KCNIP1: variants seen among roughly 807,000 people sequenced by gnomAD.
KCNIP1 encodes the protein potassium voltage-gated channel interacting protein 1.
In KCNIP1, 18 loss-of-function variants were observed where a neutral mutation model predicts 33.0. The ratio of observed to expected loss-of-function variants is 0.55; its 90% CI spans 0.38 to 0.81. The LOEUF (loss-of-function observed/expected upper bound fraction) is 0.81. KCNIP1 is among the 30% of genes least tolerant of loss of function. The pLI, the probability that KCNIP1 is intolerant of heterozygous loss-of-function variation, is 0.00. For synonymous variants in KCNIP1, 93 were observed against 98.3 expected, an observed-to-expected ratio of 0.95 and a Z score of 0.32; for missense variants, 238 against 271.6, an observed-to-expected ratio of 0.88 and a Z score of 0.87.
At chr5:170,588,996 C>CT (rs67130531) in intron 1 of KCNIP1, among the ~76,000 whole-genome samples, 38,928 of 117,394 alleles carry the variant, frequency 0.33, 7,602 homozygotes, top group Non-Finnish European at 0.38. Context: ...ATACTTACTT[C>CT]TTTTTTTTTT....
intron 1 of KCNIP1, among the ~76,000 whole-genome samples, chr5:170,511,208 CA>C (rs575682183): frequency 3.9e-4 from 59 of 151,944 alleles, no homozygotes; most frequent in Non-Finnish European, 7.1e-4. Context: ...GACTCCGTCT[CA>C]AAAAAAATAA....
intron 1 of KCNIP1, among the ~76,000 whole-genome samples, chr5:170,656,316 C>A (rs1193018020): frequency 6.6e-6 from 1 of 152,206 alleles, no homozygotes; most frequent in Non-Finnish European, 1.5e-5. Context: ...TTGTGACAAT[C>A]CCAGGCCTGC....
chr5:170,486,976 C>G (rs183198746), intron 1 of KCNIP1, among the ~76,000 whole-genome samples: 1 of 152,162 alleles, frequency 6.6e-6, no homozygotes, highest in East Asian at 1.9e-4. Context: ...GAAACAGAAC[C>G]AACAGGATGT....
At chr5:170,479,128 T>G (rs1756920735) in intron 1 of KCNIP1, among the ~76,000 whole-genome samples, 1 of 152,226 alleles carries the variant, frequency 6.6e-6, no homozygotes, top group African/African-American at 2.4e-5. Context: ...ATTTCTAAGA[T>G]GTCACTAGCT....
intron 1 of KCNIP1, among the ~76,000 whole-genome samples, chr5:170,475,439 A>T (rs1756835165): frequency 6.6e-6 from 1 of 152,154 alleles, no homozygotes; most frequent in Admixed American, 6.5e-5. Context: ...TGCTGGGAGG[A>T]ACCTCCCTGA....
chr5:170,567,161 C>A lies in KCNIP1; in HGVS notation c.61+62528C>A, dbSNP rs941181211. 2.0e-5 allele frequency among the ~76,000 whole-genome samples: 3 copies of A among 152,168 alleles called. 1 individual carries two copies. The East Asian group carries it at 5.8e-4, about 29-fold the overall frequency. Reference sequence around the variant, plus strand: ...TGGTTTTCCCCCTAAGAATGTTAGGCAATATTTGGTGACATGTTTAATGAG... The same window carrying A: ...TGGTTTTCCCCCTAAGAATGTTAGGAAATATTTGGTGACATGTTTAATGAG... On this transcript the variant is annotated intron_variant, in intron 1 of 7. Coordinates refer to ENST00000328939, the MANE Select transcript of KCNIP1 (RefSeq NM_014592.4).
intron 1 of KCNIP1, among the ~76,000 whole-genome samples, chr5:170,433,428 C>T (rs1368612694): frequency 1.3e-5 from 2 of 152,184 alleles, no homozygotes; most frequent in Non-Finnish European, 2.9e-5. Flanking sequence ...CTCAGATGAT[C>T]CGCCCGCCTC....
chr5:170,607,932 T>C (rs1213558123), intron 1 of KCNIP1, among the ~76,000 whole-genome samples: 1 of 152,218 alleles, frequency 6.6e-6, no homozygotes, highest in African/African-American at 2.4e-5. Flanking sequence ...TCTTGGAGAA[T>C]GAATTTGGGG....
chr5:170,524,166 T>TTG (rs1755483941), intron 1 of KCNIP1, among the ~76,000 whole-genome samples: 1 of 152,190 alleles, frequency 6.6e-6, no homozygotes, highest in South Asian at 2.1e-4. Flanking sequence ...ATTCCCAAGG[T>TTG]TGGAGTCCTT....
At chr5:170,487,770 G>A (rs1757129441) in intron 1 of KCNIP1, among the ~76,000 whole-genome samples, 1 of 151,948 alleles carries the variant, frequency 6.6e-6, no homozygotes, top group Admixed American at 6.6e-5. Context: ...CACCTACCCT[G>A]GCCTCCCAAA....
At position 170,522,667 on chromosome 5, in the gene KCNIP1, C is replaced by T. The variant is rs79716724; in HGVS notation, c.61+18034C>T. Among the ~76,000 whole-genome samples the T allele has an allele frequency of 6.8e-3, 1,043 of 152,312 alleles. 14 individuals are homozygous for T. The highest frequency in any genetic ancestry group is 0.02 in the African/African-American group (844 of 41,580). ...GACACAGCCAGCAGCCTCCCCAGGG[C>T]ACCATTCCTGTCTCAGCATGAGGCT... On this transcript the variant is annotated intron_variant, in intron 1 of 7. Transcript: ENST00000328939.
Position 170,721,892 on chromosome 5 carries a change from G to A in KCNIP1, c.316G>A (p.Val106Met), listed in dbSNP as rs1312940610. 3.1e-6 allele frequency: 5 copies of A among 1,613,994 alleles called. No homozygotes were observed. In the African/African-American group the frequency reaches 4.0e-5, roughly 13 times the overall value. ...NAFDTTQTGS[V>M]KFEDFVTALS... ...CTTCGACACCACTCAGACAGGCTCC[G>A]TGAAGTTCGAGGTACGCTCATCTGG... is the stretch of plus-strand genomic sequence containing the variant. Residue 106 changes from valine to methionine, a missense_variant, in exon 4 of 8, where the codon GTG (valine) becomes ATG (methionine). Transcript: ENST00000328939.
chr5:170,628,512 A>G (rs1444720014), intron 1 of KCNIP1, among the ~76,000 whole-genome samples: 4 of 152,168 alleles, frequency 2.6e-5, no homozygotes, highest in Non-Finnish European at 5.9e-5. Flanking sequence ...GTTTCTGGCC[A>G]TAATCATATT....
At chr5:170,565,103 T>C (rs545704672) in intron 1 of KCNIP1, among the ~76,000 whole-genome samples, 82 of 152,198 alleles carry the variant, frequency 5.4e-4, no homozygotes, top group South Asian at 2.3e-3. Flanking sequence ...CCCCTTCTCT[T>C]TCCCCACCAC....
intron 1 of KCNIP1, among the ~76,000 whole-genome samples, chr5:170,462,803 A>G (rs2113111421): frequency 6.6e-6 from 1 of 152,336 alleles, no homozygotes; most frequent in East Asian, 1.9e-4. Flanking sequence ...AAAGGAATGA[A>G]TTAGTGGCAT....
intron 5 of KCNIP1, among the ~76,000 whole-genome samples, chr5:170,730,411 G>A (rs368025366): frequency 1.3e-5 from 2 of 152,062 alleles, no homozygotes; most frequent in Admixed American, 6.6e-5. Context: ...AAGAAAGTGT[G>A]GATAAGTAGC....
At chr5:170,429,572 G>A (rs772633261) in intron 1 of KCNIP1, among the ~76,000 whole-genome samples, 6 of 152,072 alleles carry the variant, frequency 3.9e-5, no homozygotes, top group Admixed American at 1.3e-4. Flanking sequence ...CCACAATGAC[G>A]TATATTGTAC....
chr5:170,370,896 A>G lies in KCNIP1; in HGVS notation c.88+16932A>G, dbSNP rs1211849534. Among the ~76,000 whole-genome samples, 3 of 152,354 alleles carry G rather than the reference A, an allele frequency of 2.0e-5. No individual in the cohort carries two copies. The East Asian group carries it at 5.8e-4, about 29-fold the overall frequency. ...TGACCAGTGGAGCCACAGAAAATTTAGTTAGGTGCCAAGAAGGTATGACAT... is the reference window on the plus strand; with the variant it reads ...TGACCAGTGGAGCCACAGAAAATTTGGTTAGGTGCCAAGAAGGTATGACAT... On this transcript the variant is annotated intron_variant, in intron 1 of 7. Transcript: ENST00000377360.
At chr5:170,381,228 C>T (rs1764227291) in intron 1 of KCNIP1, among the ~76,000 whole-genome samples, 1 of 152,188 alleles carries the variant, frequency 6.6e-6, no homozygotes, top group Admixed American at 6.5e-5. Flanking sequence ...GGCCTGAATG[C>T]ATCCTTTCTC....
Sources: gnomAD v4.1 joint callset for allele counts (sites outside exome capture counted in the v4.1 genomes callset) on GRCh38, gnomAD v4.1.1 for gene constraint, MANE v1.5 for transcripts, NCBI Gene and HGNC (gene_info 2026-07-23, HGNC 2026-07-21) for gene names.